Variants in LOXL3 observed in about 807,000 individuals in gnomAD.
LOXL3 encodes the protein lysyl oxidase homolog 3.
LOXL3 carries 60 observed loss-of-function variants against 91.8 expected under a neutral mutation model. That is an observed-to-expected ratio of 0.65 (90% confidence interval 0.53 to 0.81). LOXL3 has a LOEUF of 0.81. LOXL3 is among the 30% of genes least tolerant of loss of function. LOXL3 has a pLI of 0.00. For synonymous variants in LOXL3, 355 were observed against 387.6 expected, an observed-to-expected ratio of 0.92 and a Z score of 0.99; for missense variants, 874 against 1,000.4, an observed-to-expected ratio of 0.87 and a Z score of 1.70.
rs553781929 is a variant in LOXL3, at chr2:74,533,384, C to T, written c.*222G>A. The T allele has an allele frequency of 8.0e-5, 45 of 564,488 alleles. No individual in the cohort carries two copies. The highest frequency in any genetic ancestry group is 4.0e-4 in the East Asian group (13 of 32,716). The allele number at this position is 564,488 out of a possible 1,614,324, so 35.0% of individuals were successfully genotyped here. ...GTGGTGGGCTCTGGTCTGTTCTGCTCGGTGCTGGGCCTGGGAGCAAAGATT... is the reference window on the plus strand; with the variant it reads ...GTGGTGGGCTCTGGTCTGTTCTGCTTGGTGCTGGGCCTGGGAGCAAAGATT... On this transcript the variant is annotated 3_prime_UTR_variant, in exon 14 of 14. Transcript: ENST00000264094.
chr2:74,539,315 G>A (rs978143562), intron 4 of LOXL3, among the ~76,000 whole-genome samples: 6 of 152,198 alleles, frequency 3.9e-5, no homozygotes, highest in African/African-American at 7.2e-5. Context: ...CGCATCCACC[G>A]TCTGCTGAAC....
rs1676012068 is a variant in LOXL3, at chr2:74,536,243, G to A, written c.1093+48C>T. ...ACCTTCCGAAGGAATATGCCCCCCAGGAGCATGTACCTCCTTCCCTCTCCC... is the reference window on the plus strand; with the variant it reads ...ACCTTCCGAAGGAATATGCCCCCCAAGAGCATGTACCTCCTTCCCTCTCCC... On this transcript the variant is annotated intron_variant, in intron 6 of 13. Coordinates refer to ENST00000264094, the MANE Select transcript of LOXL3 (RefSeq NM_032603.5). This position sits in a 1 kb window ranked among gnomAD's most constrained non-coding sequence, Gnocchi z 4.5. The A allele has an allele frequency of 1.2e-6, 2 of 1,612,298 alleles. No homozygotes were observed. The highest frequency in any genetic ancestry group is 3.3e-5 in the Admixed American group (2 of 59,992).
chr2:74,549,494 C>T lies in LOXL3; in HGVS notation c.567G>A (p.Val189=). The T allele has an allele frequency of 6.2e-7, 1 of 1,613,624 alleles. No homozygotes were observed. The highest frequency in any genetic ancestry group is 1.1e-5 in the South Asian group (1 of 91,028). Reference sequence around the variant, plus strand: ...ACCAGCCGTCAGGAAGCCTGACTTCCACCAGCCCCTCCGTCACGGGCAGGG... The same window carrying T: ...ACCAGCCGTCAGGAAGCCTGACTTCTACCAGCCCCTCCGTCACGGGCAGGG... ...RRPLPVTEGL[V]EVRLPDGWSQ... The change falls in exon 4 of 14, where the codon GTG becomes GTA. Residue 189 remains valine (V), a synonymous_variant. Coordinates refer to ENST00000264094, the MANE Select transcript of LOXL3 (RefSeq NM_032603.5). This position sits in a 1 kb window ranked among gnomAD's most constrained non-coding sequence, Gnocchi z 5.3.
chr2:74,549,454 T>C lies in LOXL3; in HGVS notation c.607A>G (p.Lys203Glu). The change falls in exon 4 of 14, where the codon AAA becomes GAA. Residue 203 changes from lysine (K) to glutamate (E), a missense_variant. Physicochemically the swap from Lys to Glu is moderately conservative, Grantham distance 56. Transcript: ENST00000264094. This position sits in a 1 kb window ranked among gnomAD's most constrained non-coding sequence, Gnocchi z 5.3. ...TGGCTGTTGTGGGCGCTCCAGCCTT[T>C]GTCGCACACTTGCGACCAGCCGTCA... ...LPDGWSQVCD[K>E]GWSAHNSHVV... 6.2e-7 allele frequency: 1 copy of C among 1,613,338 alleles called. No homozygotes were observed. Among genetic ancestry groups the C allele is most frequent in the Non-Finnish European group, 8.5e-7 (1 of 1,179,772 alleles).
At chr2:74,547,226 C>T (rs962240692) in intron 4 of LOXL3, among the ~76,000 whole-genome samples, 3 of 151,792 alleles carry the variant, frequency 2.0e-5, no homozygotes, top group Non-Finnish European at 2.9e-5. Flanking sequence ...ATTATGTTGC[C>T]CAGGCTGGTC....
chr2:74,543,899 T>TAAAAAAA (rs1352260802), intron 4 of LOXL3, among the ~76,000 whole-genome samples: 1 of 49,322 alleles, frequency 2.0e-5, no homozygotes, highest in African/African-American at 1.2e-4. Flanking sequence ...AGGCTCTGTC[T>TAAAAAAA]CAAAAAAAAA....
chr2:74,539,036 G>A (rs1676172779), intron 4 of LOXL3, among the ~76,000 whole-genome samples: 2 of 152,252 alleles, frequency 1.3e-5, no homozygotes, highest in East Asian at 1.9e-4. Context: ...AAGGCCTCCT[G>A]GACCCCCTCC....
intron 4 of LOXL3, 131 bp from the exon 5 acceptor site, chr2:74,537,059 C>T: frequency 1.4e-6 from 1 of 727,144 alleles, no homozygotes; most frequent in South Asian, 1.8e-5. Context: ...CTCTTCTTCC[C>T]CCTTCCATGT....
chr2:74,544,619 T>C (rs1254080381), intron 4 of LOXL3, among the ~76,000 whole-genome samples: 1 of 152,232 alleles, frequency 6.6e-6, no homozygotes, highest in Non-Finnish European at 1.5e-5. Flanking sequence ...TGTACATTCT[T>C]TTCTTATTCT....
Position 74,532,605 on chromosome 2 carries a change from C to T in LOXL3, c.*1001G>A. The T allele has an allele frequency of 1.2e-6, 2 of 1,610,618 alleles. No homozygotes were observed. Among genetic ancestry groups the T allele is most frequent in the Non-Finnish European group, 1.7e-6 (2 of 1,177,742 alleles). ...GCCTGGGTTTGGCTAATAGGGTGAT[C>T]TGTGTACTTTCAGCATCCTTGCTGA... On this transcript the variant is annotated 3_prime_UTR_variant, in exon 14 of 14. Coordinates refer to ENST00000264094, the MANE Select transcript of LOXL3 (RefSeq NM_032603.5).
In LOXL3 at chr2:74,549,398, G is replaced by T. The variant is rs1676842710; in HGVS notation, c.663C>A (p.Ser221Arg). The T allele has an allele frequency of 6.2e-7, 1 of 1,610,434 alleles. No homozygotes were observed. Among genetic ancestry groups the T allele is most frequent in the Non-Finnish European group, 8.5e-7 (1 of 1,178,112 alleles). ...HVVCGMLGFP[S>R]EKRVNAAFYR... Reference sequence around the variant, plus strand: ...AGAAGGCCGCGTTGACCCTCTTTTCGCTGGGGAAGCCCAGCATCCCGCAGA... The same window carrying T: ...AGAAGGCCGCGTTGACCCTCTTTTCTCTGGGGAAGCCCAGCATCCCGCAGA... The change falls in exon 4 of 14, where the codon AGC (serine) becomes AGA (arginine). Residue 221 changes from serine (S) to arginine (R), a missense_variant. Ser to Arg is a moderately radical substitution (Grantham distance 110). Transcript: ENST00000264094. The surrounding 1 kb of genome is among the most constrained non-coding windows in gnomAD (Gnocchi z 5.3).
chr2:74,538,268 G>C (rs1238072881), intron 4 of LOXL3, among the ~76,000 whole-genome samples: 2 of 152,222 alleles, frequency 1.3e-5, no homozygotes, highest in Non-Finnish European at 1.5e-5. Context: ...GTCAGGGAAG[G>C]CTAGAGTGTG....
chr2:74,532,793 T>C lies in LOXL3; in HGVS notation c.*813A>G. Reference sequence around the variant, plus strand: ...TTGAACTAGGCTTTGTACTCCTTCCTTTCTCTCTGTCCATTTTTCTCTATA... The same window carrying C: ...TTGAACTAGGCTTTGTACTCCTTCCCTTCTCTCTGTCCATTTTTCTCTATA... On this transcript the variant is annotated 3_prime_UTR_variant, in exon 14 of 14. Coordinates refer to ENST00000264094, the MANE Select transcript of LOXL3 (RefSeq NM_032603.5). 2 of 1,614,102 alleles carry C rather than the reference T, an allele frequency of 1.2e-6. No homozygotes were observed. The highest frequency in any genetic ancestry group is 8.5e-7 in the Non-Finnish European group (1 of 1,180,006).
In LOXL3 at chr2:74,532,472, C is replaced by CA; in HGVS notation, c.*1133dup. 1 of 704,364 alleles carries CA rather than the reference C, an allele frequency of 1.4e-6. No homozygotes were observed. The highest frequency in any genetic ancestry group is 2.7e-5 in the East Asian group (1 of 36,368). The allele number at this position is 704,364 out of a possible 1,614,324, so 43.6% of individuals were successfully genotyped here. On this transcript the variant is annotated 3_prime_UTR_variant, in exon 14 of 14. Coordinates refer to ENST00000264094, the MANE Select transcript of LOXL3 (RefSeq NM_032603.5). ...CATGTTGCACTTTATTGCTAGAAGA[C>CA]AGAAAGTGAGTTGCCATTGTATTTT...
In LOXL3 at chr2:74,536,880, C is replaced by A; in HGVS notation, c.741G>T (p.Ala247=). The change falls in exon 5 of 14, where the codon GCG becomes GCT. Residue 247 remains alanine (A), a synonymous_variant. Coordinates refer to ENST00000264094, the MANE Select transcript of LOXL3 (RefSeq NM_032603.5). This position sits in a 1 kb window ranked among gnomAD's most constrained non-coding sequence, Gnocchi z 4.5. ...AGAGGTGGGCCTCCGTGCCCACGCA[C>A]GCCACCCCATGCAGACCAAAGGAGT... ...QQHSFGLHGV[A]CVGTEAHLSL... is the part of the protein sequence containing the mutation. 1.2e-6 allele frequency: 2 copies of A among 1,614,186 alleles called. No individual in the cohort carries two copies. Among genetic ancestry groups the A allele is most frequent in the South Asian group, 2.2e-5 (2 of 91,090 alleles).
At chr2:74,547,616 C>A (rs1676676987) in intron 4 of LOXL3, among the ~76,000 whole-genome samples, 1 of 147,132 alleles carries the variant, frequency 6.8e-6, no homozygotes, top group Non-Finnish European at 1.5e-5. Context: ...AGAGCCAAGG[C>A]AAAGAAAGTG....
Position 74,549,500 on chromosome 2 carries a change from C to A in LOXL3, c.561G>T (p.Gly187=). The part of the protein sequence containing the change: ...WGRRPLPVTE[G]LVEVRLPDGW... ...CGTCAGGAAGCCTGACTTCCACCAG[C>A]CCCTCCGTCACGGGCAGGGGTCGTC... Residue 187 remains glycine (G), a synonymous_variant, in exon 4 of 14, where the codon GGG becomes GGT. Transcript: ENST00000264094. The surrounding 1 kb of genome is among the most constrained non-coding windows in gnomAD (Gnocchi z 5.3). 1 of 1,613,724 alleles carries A rather than the reference C, an allele frequency of 6.2e-7. No individual in the cohort carries two copies. Among genetic ancestry groups the A allele is most frequent in the Non-Finnish European group, 8.5e-7 (1 of 1,179,894 alleles).
chr2:74,534,269 A>C (rs1675849044), intron 11 of LOXL3, 33 bp from the exon 12 acceptor site: 1 of 1,614,104 alleles, frequency 6.2e-7, no homozygotes, highest in Non-Finnish European at 8.5e-7. Context: ...GTGTAAGGAA[A>C]GGCTGTGCAA....
At chr2:74,554,592 C>G (rs867327698), upstream of LOXL3, 7 of 664,260 alleles carry the variant, frequency 1.1e-5, no homozygotes, top group Middle Eastern at 8.4e-4. This position sits in a 1 kb window ranked among gnomAD's most constrained non-coding sequence, Gnocchi z 4.9. Flanking sequence ...CCGGGGGTCT[C>G]CACCATTCCT....
Sources: gnomAD v4.1 joint callset for allele counts (sites outside exome capture counted in the v4.1 genomes callset) on GRCh38, gnomAD v4.1.1 for gene constraint, Gnocchi (gnomAD v3.1) non-coding constraint, MANE v1.5 for transcripts, NCBI Gene and HGNC (gene_info 2026-07-23, HGNC 2026-07-21) for gene names.